Variants in INPP5B observed in about 807,000 individuals in gnomAD.
The protein encoded by INPP5B is inositol polyphosphate-5-phosphatase B.
Under a neutral mutation model 118.5 loss-of-function variants are expected in INPP5B, and 90 were observed. That is an observed-to-expected ratio of 0.76 (90% confidence interval 0.64 to 0.90). The LOEUF is 0.90. Among genes scored for constraint, INPP5B ranks in the 40% least tolerant of loss-of-function variants. INPP5B has a pLI of 0.00. For missense variants in INPP5B, 984 were observed against 1,125.6 expected (o/e 0.87, Z 1.80); for synonymous variants, 385 against 418.9 (o/e 0.92, Z 0.99).
chr1:37,902,452 G>A (rs988830966), intron 7 of INPP5B, among the ~76,000 whole-genome samples: 2 of 152,112 alleles, frequency 1.3e-5, no homozygotes. Context: ...AAATCTGGGT[G>A]GGCACAGTGG....
chr1:37,866,212 G>T (rs941256767), intron 21 of INPP5B, among the ~76,000 whole-genome samples: 1 of 152,180 alleles, frequency 6.6e-6, no homozygotes, highest in African/African-American at 2.4e-5. Flanking sequence ...TGAGGTGGGA[G>T]GCTCCACAGG....
At position 37,878,060 on chromosome 1, in the gene INPP5B, A is replaced by T. The variant is rs1557634587; in HGVS notation, c.1677+128T>A. The T allele has an allele frequency of 3.6e-6, 4 of 1,100,156 alleles. No homozygotes were observed. In the East Asian group the frequency reaches 7.5e-5, roughly 21 times the overall value. 68.1% of individuals were successfully genotyped at this position (1,100,156 alleles called of 1,614,324 possible). A position where few individuals can be genotyped will look rare whatever the true frequency, so the allele number is the denominator to read the frequency against. ...TAACCAAGTTGTTAATAATTGTTTT[A>T]AATTGTCCTAAAAGGGGCTTCTTCC... On this transcript the variant is annotated intron_variant, in intron 16 of 23. Transcript: ENST00000373024.
intron 16 of INPP5B, 45 bp from the exon 17 acceptor site, chr1:37,875,761 T>C (rs774095195): frequency 1.4e-6 from 2 of 1,423,958 alleles, no homozygotes; most frequent in South Asian, 1.2e-5. Context: ...CTTCTGCCCA[T>C]TTCCTCTTTC....
intron 7 of INPP5B, among the ~76,000 whole-genome samples, chr1:37,896,811 T>C (rs1221237903): frequency 6.6e-5 from 8 of 121,044 alleles, no homozygotes; most frequent in South Asian, 2.8e-4. Flanking sequence ...CCAGCCGCCC[T>C]GTCCGGGAGG....
intron 2 of INPP5B, 101 bp from the exon 3 acceptor site, chr1:37,945,951 T>G: frequency 9.0e-7 from 1 of 1,109,534 alleles, no homozygotes; most frequent in South Asian, 1.4e-5. Context: ...AGATTCACTG[T>G]GTGGCCTTGG....
At chr1:37,939,810 A>G (rs1372334183) in intron 6 of INPP5B, among the ~76,000 whole-genome samples, 2 of 152,130 alleles carry the variant, frequency 1.3e-5, no homozygotes, top group Admixed American at 1.3e-4. Flanking sequence ...TGGCGCAATC[A>G]TAGCTCAATG....
intron 6 of INPP5B, among the ~76,000 whole-genome samples, chr1:37,933,223 T>C (rs1645558219): frequency 6.6e-6 from 1 of 152,180 alleles, no homozygotes; most frequent in African/African-American, 2.4e-5. Context: ...AGTTTATATT[T>C]CCATTGTATA....
At chr1:37,919,925 C>T (rs1644996829) in intron 7 of INPP5B, among the ~76,000 whole-genome samples, 1 of 152,052 alleles carries the variant, frequency 6.6e-6, no homozygotes, top group Non-Finnish European at 1.5e-5. Flanking sequence ...CTGGGCAACA[C>T]AGCAAGACTA....
chr1:37,880,327 T>A, intron 14 of INPP5B, 133 bp from the exon 15 acceptor site: 1 of 615,576 alleles, frequency 1.6e-6, no homozygotes, highest in Non-Finnish European at 2.8e-6. Flanking sequence ...AGTTATTCTG[T>A]AAGATCTTAA....
At chr1:37,928,759 G>A (rs538340692) in intron 7 of INPP5B, 8 of 152,322 alleles carry the variant, frequency 5.3e-5, no homozygotes, top group African/African-American at 1.9e-4. Context: ...CTCCCAAAGT[G>A]CTAGGATTAG....
intron 7 of INPP5B, among the ~76,000 whole-genome samples, chr1:37,909,015 A>G (rs185183670): frequency 2.0e-5 from 3 of 152,254 alleles, no homozygotes; most frequent in African/African-American, 7.2e-5. Context: ...ATTTTCTTCT[A>G]CAACACCGCT....
Position 37,943,733 on chromosome 1 carries a change from A to G in INPP5B, c.250+63T>C, listed in dbSNP as rs1189462972. Reference sequence around the variant, plus strand: ...CTTACTCCCCCTTGCCCCCCCATCAAGGACAAAGATGAGCTGGGGGGCCCA... The same window carrying G: ...CTTACTCCCCCTTGCCCCCCCATCAGGGACAAAGATGAGCTGGGGGGCCCA... On this transcript the variant is annotated intron_variant, in intron 4 of 23. Coordinates refer to ENST00000373024, the MANE Select transcript of INPP5B (RefSeq NM_005540.3). 7 of 1,611,984 alleles carry G rather than the reference A, an allele frequency of 4.3e-6. No homozygotes were observed. In the East Asian group the frequency reaches 1.6e-4, roughly 36 times the overall value.
rs764966364 is a variant in INPP5B at position 37,864,407 on chromosome 1, G to C, written c.2531C>G (p.Pro844Arg). ...TASKQVISTL[P>R]IFHKNVFHYL... ...GTGGAAGACATTTTTGTGGAATATG[G>C]GGAGAGTAGAAATGACCTGAAAGAG... Residue 844 changes from proline (P) to arginine (R), a missense_variant, in exon 23 of 24, where the codon CCC (proline) becomes CGC (arginine). Around this residue, in one of 2 missense-constraint regions of INPP5B, gnomAD observed 634 missense variants for 791.0 expected, o/e 0.80. Transcript: ENST00000373024. 2 of 1,608,126 alleles carry C rather than the reference G, an allele frequency of 1.2e-6. No individual in the cohort carries two copies. Among genetic ancestry groups the C allele is most frequent in the Admixed American group, 3.3e-5 (2 of 59,884 alleles).
chr1:37,943,163 G>C (rs1447382050), intron 5 of INPP5B, among the ~76,000 whole-genome samples: 1 of 151,804 alleles, frequency 6.6e-6, no homozygotes, highest in Non-Finnish European at 1.5e-5. Flanking sequence ...ACCATGCCTG[G>C]CTAATTTTGT....
Position 37,889,594 on chromosome 1 carries a change from G to T in INPP5B, c.760C>A (p.Gln254Lys). ...ATATAGGTGTAATCCTCTTCTTTCT[G>T]TAGTAGATGTGATTTCACAATTGTA... ...RDTIVKSHLL[Q>K]KEEDYTYIQN... The change falls in exon 9 of 24, where the codon CAG (glutamine) becomes AAG (lysine). Residue 254 changes from glutamine (Q) to lysine (K), a missense_variant. Transcript: ENST00000373024. 1 of 1,613,894 alleles carries T rather than the reference G, an allele frequency of 6.2e-7. No homozygotes were observed. The highest frequency in any genetic ancestry group is 8.5e-7 in the Non-Finnish European group (1 of 1,179,842).
intron 2 of INPP5B, 47 bp from the exon 3 acceptor site, chr1:37,945,897 C>T (rs769158711): frequency 2.6e-6 from 4 of 1,533,656 alleles, no homozygotes; most frequent in Admixed American, 1.7e-5. Flanking sequence ...GAGGCCTCTC[C>T]CCACCCAGGC....
At chr1:37,929,451 G>T (rs1557711918) in intron 7 of INPP5B, 1 of 152,030 alleles carries the variant, frequency 6.6e-6, no homozygotes. Context: ...GTTTGCTTTG[G>T]GTTCTCTAGG....
At chr1:37,937,233 T>A (rs1645731189) in intron 6 of INPP5B, among the ~76,000 whole-genome samples, 1 of 151,268 alleles carries the variant, frequency 6.6e-6, no homozygotes, top group Non-Finnish European at 1.5e-5. Flanking sequence ...GTCACTTGAA[T>A]CCAAGAGGCG....
intron 13 of INPP5B, among the ~76,000 whole-genome samples, chr1:37,884,612 C>G (rs1335694169): frequency 1.3e-5 from 2 of 152,008 alleles, no homozygotes; most frequent in African/African-American, 2.4e-5. Flanking sequence ...GGCTGCTATA[C>G]TATAGCAGCC....
Sources: gnomAD v4.1 joint callset for allele counts (sites outside exome capture counted in the v4.1 genomes callset) on GRCh38, gnomAD v4.1.1 for gene constraint, gnomAD v4.1.1 regional missense constraint, MANE v1.5 for transcripts, NCBI Gene and HGNC (gene_info 2026-07-23, HGNC 2026-07-21) for gene names.